NAF1: variants seen among roughly 807,000 people sequenced by gnomAD.
NAF1 encodes the protein nuclear assembly factor 1 ribonucleoprotein, also known as H/ACA ribonucleoprotein complex non-core subunit NAF1.
A neutral mutation model predicts 40.6 loss-of-function variants in NAF1; 11 were observed. The observed-to-expected ratio is 0.27, with a 90% CI of 0.17 to 0.45. The LOEUF (loss-of-function observed/expected upper bound fraction) is 0.45. Ranked by LOEUF, NAF1 falls within the 20% of genes least tolerant of loss-of-function variation. The probability of loss-of-function intolerance (pLI) is 1.00; values close to 1 mark genes in which losing one functional copy is unlikely to be tolerated. For missense variants in NAF1, 607 were observed against 611.1 expected (o/e 0.99, Z 0.07); for synonymous variants, 260 against 228.5 (o/e 1.14, Z -1.24).
At chr4:163,149,848 T>C (rs975697995) in intron 2 of NAF1, among the ~76,000 whole-genome samples, 2 of 152,126 alleles carry the variant, frequency 1.3e-5, no homozygotes, top group Non-Finnish European at 2.9e-5. Flanking sequence ...CCTTGTTAAA[T>C]ACAAGACTGG....
intron 6 of NAF1, among the ~76,000 whole-genome samples, chr4:163,133,818 TG>T (rs1351671866): frequency 2.6e-5 from 4 of 151,974 alleles, no homozygotes; most frequent in Non-Finnish European, 5.9e-5. Context: ...AAAGCTTTTT[TG>T]TGTGTGTGTG....
intron 2 of NAF1, among the ~76,000 whole-genome samples, chr4:163,153,962 C>T (rs914199923): frequency 6.6e-6 from 1 of 151,900 alleles, no homozygotes; most frequent in Non-Finnish European, 1.5e-5. Context: ...AGCGAGACCA[C>T]GAGCCCACTG....
intron 2 of NAF1, among the ~76,000 whole-genome samples, chr4:163,117,759 G>T (rs1047979741): frequency 2.0e-5 from 3 of 149,184 alleles, no homozygotes; most frequent in East Asian, 3.9e-4. Flanking sequence ...ATCTGTAAAG[G>T]TCAGCACTCT....
chr4:163,162,112 A>T (rs1462428232), intron 2 of NAF1, among the ~76,000 whole-genome samples: 1 of 152,122 alleles, frequency 6.6e-6, no homozygotes, highest in African/African-American at 2.4e-5. Flanking sequence ...TTAACAGACC[A>T]TAAGCCAGCA....
intron 4 of NAF1, among the ~76,000 whole-genome samples, chr4:163,145,497 T>C (rs79705036): frequency 0.034 from 5,150 of 152,316 alleles, 131 homozygotes; most frequent in Non-Finnish European, 0.05. Flanking sequence ...CGATGTGTTA[T>C]GCATTACGTA....
At chr4:163,136,354 A>G (rs1731057785) in intron 6 of NAF1, 1 of 150,882 alleles carries the variant, frequency 6.6e-6, no homozygotes, top group Admixed American at 6.6e-5. Flanking sequence ...AACAAAAAAA[A>G]AACTGTAATA....
intron 6 of NAF1, among the ~76,000 whole-genome samples, chr4:163,134,029 A>G (rs1730967582): frequency 6.6e-6 from 1 of 152,208 alleles, no homozygotes; most frequent in African/African-American, 2.4e-5. Context: ...AACTCCTAAG[A>G]GGAAATTATT....
intron 2 of NAF1, among the ~76,000 whole-genome samples, chr4:163,154,423 C>A (rs1052293787): frequency 3.9e-5 from 6 of 152,184 alleles, no homozygotes; most frequent in African/African-American, 1.4e-4. Flanking sequence ...GTGAAACCAT[C>A]CTTGTATAAT....
chr4:163,156,577 T>G (rs1731995539), intron 2 of NAF1, among the ~76,000 whole-genome samples: 1 of 152,100 alleles, frequency 6.6e-6, no homozygotes, highest in South Asian at 2.1e-4. Context: ...AATATGGACA[T>G]CCCCAACACT....
chr4:163,135,140 A>G (rs911113955), intron 6 of NAF1: 2 of 152,214 alleles, frequency 1.3e-5, no homozygotes, highest in Admixed American at 1.3e-4. Context: ...ATGCAGCCCA[A>G]CATTTCATAG....
At chr4:163,160,676 T>C (rs1443303686) in intron 2 of NAF1, among the ~76,000 whole-genome samples, 1 of 152,140 alleles carries the variant, frequency 6.6e-6, no homozygotes, top group Admixed American at 6.5e-5. Flanking sequence ...CTTTAGAAAG[T>C]GGTTGGACAT....
intron 4 of NAF1, among the ~76,000 whole-genome samples, chr4:163,145,036 A>C (rs974025569): frequency 1.1e-4 from 16 of 152,320 alleles, no homozygotes; most frequent in South Asian, 4.1e-4. Flanking sequence ...ACTAGATACA[A>C]TGGGGAATAT....
chr4:163,110,447 A>C (rs1030945888), intron 2 of NAF1, among the ~76,000 whole-genome samples: 4 of 152,172 alleles, frequency 2.6e-5, no homozygotes, highest in Non-Finnish European at 4.4e-5. Context: ...TATCATAGGT[A>C]TGTAAGTATA....
downstream of NAF1, among the ~76,000 whole-genome samples, chr4:163,126,157 T>C (rs1054046691): frequency 1.3e-5 from 2 of 152,160 alleles, no homozygotes; most frequent in Admixed American, 6.5e-5. Context: ...CCATAGCCCA[T>C]GGATCAAGGA....
At position 163,115,099 on chromosome 4, in the gene NAF1, T is replaced by C. The variant is rs184266704; in HGVS notation, c.115-4809A>G. Among the ~76,000 whole-genome samples, 642 of 152,228 alleles carry C rather than the reference T, an allele frequency of 4.2e-3. 3 individuals are homozygous for C. The highest frequency in any genetic ancestry group is 7.6e-3 in the Non-Finnish European group (519 of 68,018). The stretch of plus-strand genomic sequence containing the variant: ...TCTTCATAATGTCATCATAAATAAA[T>C]TTCAAAACGTAGGATCATTAGGACC... On this transcript the variant is annotated intron_variant, in intron 2 of 2. Coordinates refer to the NAF1 transcript ENST00000509434.
chr4:163,159,615 T>C (rs1264064024), intron 2 of NAF1, among the ~76,000 whole-genome samples: 2 of 152,132 alleles, frequency 1.3e-5, no homozygotes, highest in Admixed American at 6.5e-5. Context: ...GGTCCAGATA[T>C]TTCCATACAT....
intron 2 of NAF1, among the ~76,000 whole-genome samples, chr4:163,156,680 A>G (rs1465611284): frequency 6.6e-6 from 1 of 152,072 alleles, no homozygotes; most frequent in Non-Finnish European, 1.5e-5. Flanking sequence ...TAACAATATC[A>G]ATTTATTTCT....
intron 7 of NAF1, among the ~76,000 whole-genome samples, chr4:163,131,901 C>T (rs1166267468): frequency 1.3e-5 from 2 of 152,064 alleles, no homozygotes; most frequent in Non-Finnish European, 2.9e-5. Flanking sequence ...TAAAAGTTGG[C>T]AAAAGATAAT....
downstream of NAF1, among the ~76,000 whole-genome samples, chr4:163,106,758 G>GA (rs950825601): frequency 4.0e-5 from 6 of 151,640 alleles, no homozygotes; most frequent in African/African-American, 9.7e-5. Context: ...TGAGAATATA[G>GA]AAAAAAAACC....
Sources: allele counts gnomAD v4.1 joint callset (sites outside exome capture counted in the v4.1 genomes callset), GRCh38; gene constraint gnomAD v4.1.1; transcripts MANE v1.5; gene names NCBI Gene and HGNC (gene_info 2026-07-23, HGNC 2026-07-21).